CNTN5: variants seen among roughly 807,000 people sequenced by gnomAD.
CNTN5 encodes the protein contactin-5.
In CNTN5, 77 loss-of-function variants were observed where a neutral mutation model predicts 129.1. The observed-to-expected ratio is 0.60, with a 90% confidence interval of 0.50 to 0.72. The LOEUF is 0.72. CNTN5 is among the 30% of genes least tolerant of loss of function. The pLI is 0.00. For synonymous variants in CNTN5, 509 were observed against 465.6 expected (o/e 1.09, Z -1.20); for missense variants, 1,478 against 1,328.8 (o/e 1.11, Z -1.75).
chr11:99,258,926 C>G (rs555046282), intron 1 of CNTN5, among the ~76,000 whole-genome samples: 6 of 151,824 alleles, frequency 4.0e-5, no homozygotes, highest in African/African-American at 7.2e-5. Context: ...CAAAAGGATA[C>G]TGATTTGTGT....
chr11:99,171,684 G>C (rs964560938), intron 1 of CNTN5, among the ~76,000 whole-genome samples: 8 of 152,072 alleles, frequency 5.3e-5, no homozygotes, highest in African/African-American at 1.9e-4. Context: ...TTCAGAATAT[G>C]CATTTAAGAA....
intron 3 of CNTN5, among the ~76,000 whole-genome samples, chr11:99,715,540 C>G (rs1955182289): frequency 6.6e-6 from 1 of 151,710 alleles, no homozygotes; most frequent in Admixed American, 6.6e-5. Context: ...CAGAGTGAAC[C>G]CCAAAGTCTG....
rs555597639 is a variant in CNTN5, at chr11:99,289,411, G to T, written c.-209-35935G>T. Among the ~76,000 whole-genome samples, 4 of 151,822 alleles carry T rather than the reference G, an allele frequency of 2.6e-5. No individual in the cohort carries two copies. In the South Asian group the frequency reaches 8.3e-4, roughly 31 times the overall value. ...CTCAAATGGAAGATCACATTACTGGGAGATCAGAGTGTATACATTGCTATT... is the reference window on the plus strand; with the variant it reads ...CTCAAATGGAAGATCACATTACTGGTAGATCAGAGTGTATACATTGCTATT... On this transcript the variant is annotated intron_variant, in intron 1 of 24. Coordinates refer to ENST00000524871, the MANE Select transcript of CNTN5 (RefSeq NM_014361.4).
intron 3 of CNTN5, among the ~76,000 whole-genome samples, chr11:99,650,949 G>A (rs141018885): frequency 1.3e-4 from 20 of 151,938 alleles, no homozygotes; most frequent in Non-Finnish European, 2.4e-4. Flanking sequence ...TCCACTTAAG[G>A]ATTTAAAGAA....
intron 3 of CNTN5, among the ~76,000 whole-genome samples, chr11:99,727,872 T>C (rs994016009): frequency 7.9e-5 from 12 of 151,666 alleles, no homozygotes; most frequent in African/African-American, 2.7e-4. Flanking sequence ...TATTAACTTA[T>C]TTAATCTGCA....
intron 3 of CNTN5, among the ~76,000 whole-genome samples, chr11:99,620,006 A>C (rs1368019578): frequency 6.6e-6 from 1 of 151,362 alleles, no homozygotes; most frequent in Admixed American, 6.6e-5. Flanking sequence ...AGCCTGGGCG[A>C]CAGAGCAAGA....
At chr11:99,245,930 A>T (rs536393429) in intron 1 of CNTN5, among the ~76,000 whole-genome samples, 1 of 152,258 alleles carries the variant, frequency 6.6e-6, no homozygotes, top group African/African-American at 2.4e-5. Context: ...TATTTCCTGG[A>T]AGACAAAATC....
intron 9 of CNTN5, among the ~76,000 whole-genome samples, chr11:100,038,111 A>G (rs948092435): frequency 1.3e-5 from 2 of 152,092 alleles, no homozygotes; most frequent in African/African-American, 4.8e-5. Context: ...ATTTAGTGCT[A>G]TAAATTTCCC....
intron 13 of CNTN5, among the ~76,000 whole-genome samples, chr11:100,163,407 T>TATCA (rs1565303974): frequency 6.6e-6 from 1 of 151,970 alleles, no homozygotes; most frequent in East Asian, 1.9e-4. Context: ...ATGTTTTGTA[T>TATCA]ATCAGAGCAA....
At chr11:99,029,079 A>G (rs939500659) in intron 1 of CNTN5, among the ~76,000 whole-genome samples, 2 of 151,912 alleles carry the variant, frequency 1.3e-5, no homozygotes, top group Non-Finnish European at 2.9e-5. Flanking sequence ...AATACCTGTC[A>G]TAATATTATA....
At chr11:99,129,161 A>G (rs762890574) in intron 1 of CNTN5, among the ~76,000 whole-genome samples, 2 of 152,194 alleles carry the variant, frequency 1.3e-5, no homozygotes, top group Non-Finnish European at 2.9e-5. Context: ...TCGCTGAACT[A>G]AAGGATTATG....
chr11:100,350,358 G>T (rs547152461), intron 23 of CNTN5, among the ~76,000 whole-genome samples: 12 of 151,532 alleles, frequency 7.9e-5, no homozygotes, highest in Non-Finnish European at 1.8e-4. Flanking sequence ...TCATGCCATT[G>T]TTTCTTATTG....
intron 18 of CNTN5, among the ~76,000 whole-genome samples, chr11:100,289,406 C>A (rs973648653): frequency 3.3e-5 from 5 of 151,226 alleles, no homozygotes; most frequent in South Asian, 2.1e-4. Flanking sequence ...AAAAGCTTAT[C>A]CACCATGATC....
chr11:99,440,168 G>A (rs553219671), intron 2 of CNTN5, among the ~76,000 whole-genome samples: 1 of 152,122 alleles, frequency 6.6e-6, no homozygotes, highest in South Asian at 2.1e-4. Flanking sequence ...ATTTAGAAGT[G>A]ATTTATCTTA....
intron 3 of CNTN5, among the ~76,000 whole-genome samples, chr11:99,805,398 C>T (rs1946238348): frequency 6.6e-6 from 1 of 152,064 alleles, no homozygotes; most frequent in South Asian, 2.1e-4. Context: ...TTACAGAAAA[C>T]CGAAACAATC....
chr11:99,379,053 C>A (rs1030430694), intron 2 of CNTN5, among the ~76,000 whole-genome samples: 1 of 151,748 alleles, frequency 6.6e-6, no homozygotes, highest in Non-Finnish European at 1.5e-5. Context: ...TGCCTATTGC[C>A]TATTTAATTT....
chr11:99,638,016 G>T (rs1951630280), intron 3 of CNTN5, among the ~76,000 whole-genome samples: 1 of 152,124 alleles, frequency 6.6e-6, no homozygotes, highest in Non-Finnish European at 1.5e-5. Context: ...ATATGTAACA[G>T]TGGTCCCTTA....
chr11:99,893,233 G>A (rs144072702), intron 6 of CNTN5, among the ~76,000 whole-genome samples: 1,629 of 152,128 alleles, frequency 0.011, 16 homozygotes, highest in Non-Finnish European at 0.015. Flanking sequence ...GAATATCAGT[G>A]TCATTTTCTT....
intron 1 of CNTN5, among the ~76,000 whole-genome samples, chr11:99,251,332 T>G (rs1379469729): frequency 6.6e-6 from 1 of 151,962 alleles, no homozygotes; most frequent in Non-Finnish European, 1.5e-5. Flanking sequence ...CATAAGATAA[T>G]GCCTCCAGGT....
Sources: gnomAD v4.1 joint callset for allele counts (sites outside exome capture counted in the v4.1 genomes callset) on GRCh38, gnomAD v4.1.1 for gene constraint, MANE v1.5 for transcripts, NCBI Gene and HGNC (gene_info 2026-07-23, HGNC 2026-07-21) for gene names.